Variants in ZNF37A observed in about 807,000 individuals in gnomAD.
The protein encoded by ZNF37A is zinc finger protein 37a (KOX 21).
Under a neutral mutation model 12.3 loss-of-function variants are expected in ZNF37A, and 10 were observed. The observed-to-expected ratio is 0.82, with a 90% confidence interval of 0.50 to 1.38. The LOEUF is 1.38. ZNF37A is among the 40% of genes most tolerant of loss of function. The probability of loss-of-function intolerance (pLI) is 0.00; values close to 1 mark genes in which losing one functional copy is unlikely to be tolerated. For synonymous variants in ZNF37A, 207 were observed against 223.0 expected (o/e 0.93, Z 0.64); for missense variants, 580 against 651.2 (o/e 0.89, Z 1.19).
chr10:38,138,936 GTTCATTTTGAATATCTAACT>G (rs537832501), intron 7 of ZNF37A: 25 of 152,252 alleles, frequency 1.6e-4, no homozygotes, highest in Non-Finnish European at 2.9e-4. Flanking sequence ...ACATCCTCTG[GTTCATTTTGAATATCTAACT>G]TAACATTCTG....
intron 5 of ZNF37A, among the ~76,000 whole-genome samples, chr10:38,101,375 T>C (rs1419658241): frequency 6.6e-6 from 1 of 152,074 alleles, no homozygotes; most frequent in Non-Finnish European, 1.5e-5. Flanking sequence ...AGTTTTGTTT[T>C]TCATGTGGCT....
chr10:38,117,508 A>G lies in ZNF37A; in HGVS notation c.357A>G (p.Glu119=). 6.2e-7 allele frequency: 1 copy of G among 1,613,410 alleles called. No individual in the cohort carries two copies. Among genetic ancestry groups the G allele is most frequent in the Non-Finnish European group, 8.5e-7 (1 of 1,179,822 alleles). ...EIIHSEEEPS[E]YNKNGNSFWL... ...TTCATTCTGAAGAGGAACCTTCTGAATATAATAAAAATGGGAACAGCTTCT... is the reference window on the plus strand; with the variant it reads ...TTCATTCTGAAGAGGAACCTTCTGAGTATAATAAAAATGGGAACAGCTTCT... The change falls in exon 8 of 8, where the codon GAA becomes GAG. Residue 119 remains glutamate (E), a synonymous_variant. Coordinates refer to ENST00000685332, the MANE Select transcript of ZNF37A (RefSeq NM_001324250.3).
chr10:38,102,665 G>A (rs1022277647), intron 5 of ZNF37A, among the ~76,000 whole-genome samples: 1 of 152,118 alleles, frequency 6.6e-6, no homozygotes, highest in Non-Finnish European at 1.5e-5. Flanking sequence ...TGTTTGTTTG[G>A]ATTGGAGTTA....
chr10:38,106,711 A>G (rs1490935321), intron 5 of ZNF37A, among the ~76,000 whole-genome samples: 1 of 152,162 alleles, frequency 6.6e-6, no homozygotes, highest in African/African-American at 2.4e-5. Flanking sequence ...TGAAGCATAC[A>G]TAAGTATCAA....
chr10:38,113,413 A>G (rs1409212004), intron 5 of ZNF37A, among the ~76,000 whole-genome samples: 1 of 151,910 alleles, frequency 6.6e-6, no homozygotes, highest in Non-Finnish European at 1.5e-5. Context: ...GGGTTTTACC[A>G]TGTTGGCCAG....
At position 38,096,625 on chromosome 10, in the gene ZNF37A, C is replaced by T. The variant is rs746623746; in HGVS notation, c.8C>T (p.Thr3Ile). The change falls in exon 5 of 8, where the codon ACA becomes ATA. Residue 3 changes from threonine to isoleucine, a missense_variant. Physicochemically the swap from Thr to Ile is moderately conservative, Grantham distance 89 (BLOSUM62 -1). Transcript: ENST00000685332. The part of the protein sequence containing the change: MI[T>I]SQGSVSFRDV... ...TTCCAACACCAGTGGAAGATGATCA[C>T]ATCCCAGGTAAGTTGTTTATTTTTT... 1 of 1,612,870 alleles carries T rather than the reference C, an allele frequency of 6.2e-7. No individual in the cohort carries two copies. The highest frequency in any genetic ancestry group is 1.7e-5 in the Admixed American group (1 of 59,794).
intron 5 of ZNF37A, among the ~76,000 whole-genome samples, chr10:38,104,736 T>C (rs2135918990): frequency 6.6e-6 from 1 of 152,194 alleles, no homozygotes; most frequent in East Asian, 1.9e-4. Flanking sequence ...TCAATCCCTC[T>C]CAATTGACAG....
At chr10:38,110,461 C>T (rs1412389031) in intron 5 of ZNF37A, among the ~76,000 whole-genome samples, 4 of 152,200 alleles carry the variant, frequency 2.6e-5, no homozygotes, top group South Asian at 4.1e-4. Context: ...AAAACAATGG[C>T]AACAAATGCC....
At position 38,118,311 on chromosome 10, in the gene ZNF37A, C is replaced by G. The variant is rs762271752; in HGVS notation, c.1160C>G (p.Ala387Gly). Residue 387 changes from alanine (A) to glycine (G), a missense_variant, in exon 8 of 8, where the codon GCA becomes GGA. Ala to Gly is a moderately conservative substitution (Grantham distance 60). Coordinates refer to ENST00000685332, the MANE Select transcript of ZNF37A (RefSeq NM_001324250.3). ...HTGEKPYECY[A>G]CGKAFLRKSD... The stretch of plus-strand genomic sequence containing the variant: ...GGGGAGAAGCCCTATGAATGCTATG[C>G]ATGTGGGAAAGCCTTTCTCAGAAAA... 1.9e-6 allele frequency: 3 copies of G among 1,607,182 alleles called. No individual in the cohort carries two copies. The highest frequency in any genetic ancestry group is 4.5e-5 in the East Asian group (2 of 44,328).
At chr10:38,144,513 A>C (rs1332580813) in intron 7 of ZNF37A, 1 of 152,194 alleles carries the variant, frequency 6.6e-6, no homozygotes, top group South Asian at 2.1e-4. Flanking sequence ...TCATGATGCA[A>C]TATAGTATGA....
At chr10:38,143,032 A>C (rs2070204642) in intron 7 of ZNF37A, 1 of 152,170 alleles carries the variant, frequency 6.6e-6, no homozygotes, top group South Asian at 2.1e-4. Flanking sequence ...TTTCTGAATT[A>C]AGAACTTCCA....
At position 38,120,829 on chromosome 10, in the gene ZNF37A, A is replaced by T. The variant is rs2069649497; in HGVS notation, c.*1992A>T. 6.6e-6 allele frequency: 1 copy of T among 152,296 alleles called. No individual in the cohort carries two copies. The highest frequency in any genetic ancestry group is 2.1e-4 in the South Asian group (1 of 4,838). 9.4% of individuals were successfully genotyped at this position (152,296 alleles called of 1,614,324 possible). A position where few individuals can be genotyped will look rare whatever the true frequency, so the allele number is the denominator to read the frequency against. On this transcript the variant is annotated 3_prime_UTR_variant, in exon 8 of 8. Coordinates refer to ENST00000685332, the MANE Select transcript of ZNF37A (RefSeq NM_001324250.3). ...GAAATTTCCAGATGTCTCATGCTGC[A>T]TAGGGCAGGAGCCTGAAAAGCTAAT...
chr10:38,097,110 C>T (rs928527309), intron 5 of ZNF37A, among the ~76,000 whole-genome samples: 3 of 152,176 alleles, frequency 2.0e-5, no homozygotes, highest in African/African-American at 4.8e-5. Flanking sequence ...CTTGTGATCT[C>T]ACAGAGTTGT....
intron 7 of ZNF37A, among the ~76,000 whole-genome samples, chr10:38,132,202 G>A (rs2070037258): frequency 6.6e-6 from 1 of 152,050 alleles, no homozygotes; most frequent in Non-Finnish European, 1.5e-5. Context: ...AATCTTTTTA[G>A]TTTTTCACCA....
At position 38,135,665 on chromosome 10, in the gene ZNF37A, C is replaced by T. The variant is rs1041350954; in HGVS notation, c.239-11067C>T. On this transcript the variant is annotated intron_variant, in intron 7 of 7. Coordinates refer to the ZNF37A transcript ENST00000638053. ...TTAAAAAGAAAAGAGGTTTAATTGA[C>T]TCAACAGTTCTGCATGGCTGAGGAG... 3.3e-5 allele frequency among the ~76,000 whole-genome samples: 5 copies of T among 152,284 alleles called. No homozygotes were observed. In the East Asian group the frequency reaches 9.6e-4, roughly 29 times the overall value.
intron 5 of ZNF37A, among the ~76,000 whole-genome samples, chr10:38,106,192 C>CGA (rs2135931514): frequency 6.6e-6 from 1 of 152,176 alleles, no homozygotes; most frequent in South Asian, 2.1e-4. Flanking sequence ...CTGGTGATAC[C>CGA]GAGGCAAACA....
At chr10:38,146,840 A>C (rs1476941542) in exon 8 of ZNF37A, 1 of 397,972 alleles carries the variant, frequency 2.5e-6, no homozygotes, top group Non-Finnish European at 4.4e-6. Context: ...GACAAAGACA[A>C]AGACACAGAA....
chr10:38,107,959 A>C, intron 5 of ZNF37A, among the ~76,000 whole-genome samples: 1 of 134,078 alleles, frequency 7.5e-6, no homozygotes, highest in Non-Finnish European at 1.6e-5. Flanking sequence ...CAGAAAATTA[A>C]CAAGGATATT....
intron 7 of ZNF37A, among the ~76,000 whole-genome samples, chr10:38,145,469 A>T (rs2070240593): frequency 6.6e-6 from 1 of 152,222 alleles, no homozygotes; most frequent in Non-Finnish European, 1.5e-5. Context: ...ATACTTTAAA[A>T]TATGTGTGGG....
Sources: gnomAD v4.1 joint callset for allele counts (sites outside exome capture counted in the v4.1 genomes callset) on GRCh38, gnomAD v4.1.1 for gene constraint, MANE v1.5 for transcripts, NCBI Gene and HGNC (gene_info 2026-07-23, HGNC 2026-07-21) for gene names.